SPON1: variants seen among roughly 807,000 people sequenced by gnomAD.
The protein encoded by SPON1 is spondin-1.
SPON1 carries 52 observed loss-of-function variants against 111.7 expected under a neutral mutation model. The observed-to-expected ratio is 0.47, with a 90% CI of 0.37 to 0.59. SPON1 has a LOEUF of 0.59. Ranked by LOEUF, SPON1 falls within the 20% of genes least tolerant of loss-of-function variation. SPON1 has a pLI of 0.00. For synonymous variants in SPON1, 410 were observed against 395.8 expected (o/e 1.04, Z -0.43); for missense variants, 957 against 1,068.5 (o/e 0.90, Z 1.46).
chr11:13,984,528 AAATCCACTCTCAAGATAACT>A, intron 2 of SPON1, among the ~76,000 whole-genome samples: 1 of 152,130 alleles, frequency 6.6e-6, no homozygotes, highest in African/African-American at 2.4e-5. Flanking sequence ...CCTTTATAAC[AAATCCACTCTCAAGATAACT>A]AATCCACTCC....
intron 5 of SPON1, among the ~76,000 whole-genome samples, chr11:14,134,219 A>C (rs1847564686): frequency 6.6e-6 from 1 of 152,138 alleles, no homozygotes; most frequent in South Asian, 2.1e-4. Flanking sequence ...ACTTTGTTTA[A>C]CCAACCAAAG....
chr11:14,243,740 G>A (rs1554939966), intron 7 of SPON1, among the ~76,000 whole-genome samples: 1 of 152,184 alleles, frequency 6.6e-6, no homozygotes, highest in Non-Finnish European at 1.5e-5. Flanking sequence ...GTGTACTCAT[G>A]CTTAGCCAGT....
chr11:14,025,229 G>A (rs1334089016), intron 2 of SPON1, among the ~76,000 whole-genome samples: 8 of 152,206 alleles, frequency 5.3e-5, no homozygotes, highest in African/African-American at 1.7e-4. Context: ...TCCTCTTACA[G>A]ACTCTTCTGA....
intron 2 of SPON1, among the ~76,000 whole-genome samples, chr11:13,993,057 G>A (rs1017318903): frequency 1.3e-5 from 2 of 151,996 alleles, no homozygotes; most frequent in African/African-American, 2.4e-5. Flanking sequence ...TTGCATTTGT[G>A]GCTCTAAAAG....
In SPON1 at chr11:14,055,813, A is replaced by G. The variant is rs137885129; in HGVS notation, c.479+14159A>G. Reference sequence around the variant, plus strand: ...CCCAAAGTCCTCACAGAGATCCTACATAACTGGACTAAGGGTTGGCTGCTC... The same window carrying G: ...CCCAAAGTCCTCACAGAGATCCTACGTAACTGGACTAAGGGTTGGCTGCTC... On this transcript the variant is annotated intron_variant, in intron 3 of 15. Coordinates refer to ENST00000576479, the MANE Select transcript of SPON1 (RefSeq NM_006108.4). Among the ~76,000 whole-genome samples, 385 of 152,318 alleles carry G rather than the reference A, an allele frequency of 2.5e-3. 2 individuals carry two copies. Among genetic ancestry groups the G allele is most frequent in the African/African-American group, 8.2e-3 (341 of 41,560 alleles).
chr11:13,964,198 C>A (rs1847997910), intron 1 of SPON1, among the ~76,000 whole-genome samples: 1 of 152,224 alleles, frequency 6.6e-6, no homozygotes, highest in Non-Finnish European at 1.5e-5. Flanking sequence ...GGACAGGTAA[C>A]CAGGAAGGGA....
intron 2 of SPON1, among the ~76,000 whole-genome samples, chr11:14,027,967 A>G (rs185162536): frequency 1.3e-5 from 2 of 152,360 alleles, no homozygotes; most frequent in East Asian, 3.9e-4. Flanking sequence ...AAACCTGTTT[A>G]TCAGTGATTT....
Position 14,104,389 on chromosome 11 carries a change from G to T in SPON1, c.676+24368G>T, listed in dbSNP as rs1849169850. Among the ~76,000 whole-genome samples the T allele has an allele frequency of 4.0e-5, 6 of 151,258 alleles. No homozygotes were observed. In the South Asian group the frequency reaches 1.3e-3, roughly 32 times the overall value. ...ATTATATACACAATTAATTTGTTTG[G>T]TTTGGGTTTTGCTTATTTTAATTTC... On this transcript the variant is annotated intron_variant, in intron 5 of 15. Coordinates refer to ENST00000576479, the MANE Select transcript of SPON1 (RefSeq NM_006108.4).
At chr11:14,049,245 A>G (rs1554918190) in intron 3 of SPON1, among the ~76,000 whole-genome samples, 1 of 152,108 alleles carries the variant, frequency 6.6e-6, no homozygotes, top group African/African-American at 2.4e-5. Flanking sequence ...TCTCCCTCCA[A>G]CATCATTAGA....
At chr11:14,018,228 C>A (rs1373848503) in intron 2 of SPON1, among the ~76,000 whole-genome samples, 1 of 152,152 alleles carries the variant, frequency 6.6e-6, no homozygotes, top group Non-Finnish European at 1.5e-5. Context: ...ATTTGACCAC[C>A]TTTCAGACAA....
intron 11 of SPON1, among the ~76,000 whole-genome samples, chr11:14,258,792 A>G (rs1413010186): frequency 1.3e-5 from 2 of 152,144 alleles, no homozygotes; most frequent in African/African-American, 2.4e-5. Flanking sequence ...CTCCCCGTAG[A>G]CTAAGTCATT....
intron 6 of SPON1, among the ~76,000 whole-genome samples, chr11:14,186,940 G>A (rs534796354): frequency 6.6e-6 from 1 of 152,268 alleles, no homozygotes; most frequent in African/African-American, 2.4e-5. Context: ...TGTATTATTA[G>A]TCCACTTTGC....
In SPON1 at chr11:14,235,442, G is replaced by GCTCACGC. The variant is rs568822668; in HGVS notation, c.826-7888_826-7887insCACGCCT. 4.6e-5 allele frequency among the ~76,000 whole-genome samples: 7 copies of GCTCACGC among 152,256 alleles called. No homozygotes were observed. In the South Asian group the frequency reaches 1.2e-3, roughly 27 times the overall value. On this transcript the variant is annotated intron_variant, in intron 6 of 15. Coordinates refer to ENST00000576479, the MANE Select transcript of SPON1 (RefSeq NM_006108.4). ...GCCTGTAATCCCAACACTTTGGGAGGCTGAGGCAAGCAGATGGCTTGAGCC... is the reference window on the plus strand; with the variant it reads ...GCCTGTAATCCCAACACTTTGGGAGGCTCACGCCTGAGGCAAGCAGATGGCTTGAGCC...
intron 2 of SPON1, among the ~76,000 whole-genome samples, chr11:14,040,935 G>C (rs1299665669): frequency 6.6e-6 from 1 of 152,150 alleles, no homozygotes. Flanking sequence ...CATCCTTGGG[G>C]AATGGGAAAG....
intron 1 of SPON1, among the ~76,000 whole-genome samples, chr11:13,972,972 C>CT (rs782811292): frequency 1.6e-4 from 24 of 152,300 alleles, no homozygotes; most frequent in African/African-American, 5.1e-4. Flanking sequence ...CCGTTCCCTC[C>CT]TTCGCTCTAT....
intron 5 of SPON1, among the ~76,000 whole-genome samples, chr11:14,114,215 T>G (rs1591379198): frequency 6.6e-6 from 1 of 152,308 alleles, no homozygotes; most frequent in South Asian, 2.1e-4. Flanking sequence ...CTACTAGCCT[T>G]CCCAGCCTCT....
At position 13,982,841 on chromosome 11, in the gene SPON1, C is replaced by T. The variant is rs1012152397; in HGVS notation, c.239-6C>T. The T allele has an allele frequency of 2.5e-5, 39 of 1,541,438 alleles. No homozygotes were observed. The highest frequency in any genetic ancestry group is 5.8e-5 in the Admixed American group (3 of 51,344). ...ACTTAAAACCTGCTTTTTTCTCTCT[C>T]TGCAGTAACACTTTCAGCTGCTCCT... On this transcript the variant is annotated splice_polypyrimidine_tract_variant and splice_region_variant and intron_variant, in intron 1 of 15. Transcript: ENST00000576479.
chr11:14,113,306 C>A lies in SPON1; in HGVS notation c.677-22114C>A, dbSNP rs564154888. ...CAGAGCTCCAGGGACAAACCAGCCA[C>A]CAGCTACCACAATGGGCTGCAAGTT... On this transcript the variant is annotated intron_variant, in intron 5 of 15. Coordinates refer to ENST00000576479, the MANE Select transcript of SPON1 (RefSeq NM_006108.4). Among the ~76,000 whole-genome samples, 12 of 152,318 alleles carry A rather than the reference C, an allele frequency of 7.9e-5. No individual in the cohort carries two copies. The East Asian group carries it at 2.3e-3, about 29-fold the overall frequency.
At chr11:14,123,318 T>A (rs1257258066) in intron 5 of SPON1, among the ~76,000 whole-genome samples, 1 of 152,278 alleles carries the variant, frequency 6.6e-6, no homozygotes, top group East Asian at 1.9e-4. Context: ...TTAAAGAGTA[T>A]GACAAATGGT....
Sources: gnomAD v4.1 joint callset for allele counts (sites outside exome capture counted in the v4.1 genomes callset) on GRCh38, gnomAD v4.1.1 for gene constraint, MANE v1.5 for transcripts, NCBI Gene and HGNC (gene_info 2026-07-23, HGNC 2026-07-21) for gene names.